WSCD1: variants seen among roughly 807,000 people sequenced by gnomAD.
WSCD1 encodes sialate:O-sulfotransferase 1.
A neutral mutation model predicts 60.4 loss-of-function variants in WSCD1; 41 were observed. The observed-to-expected ratio is 0.68, with a 90% CI of 0.53 to 0.88. WSCD1 has a LOEUF of 0.88. Ranked by LOEUF, WSCD1 falls within the 40% of genes least tolerant of loss-of-function variation. The probability of loss-of-function intolerance (pLI) is 0.00; values close to 1 mark genes in which losing one functional copy is unlikely to be tolerated. For missense variants in WSCD1, 784 were observed against 796.2 expected (o/e 0.98, Z 0.18); for synonymous variants, 361 against 332.5 (o/e 1.09, Z -0.93).
At chr17:6,094,071 C>T (rs1220907488) in intron 4 of WSCD1, among the ~76,000 whole-genome samples, 1 of 152,136 alleles carries the variant, frequency 6.6e-6, no homozygotes, top group Non-Finnish European at 1.5e-5. Context: ...AGATACTGAG[C>T]CCTGGGAGAC....
chr17:6,120,235 G>C, intron 8 of WSCD1, 74 bp from the exon 9 acceptor site: 1 of 1,515,828 alleles, frequency 6.6e-7, no homozygotes, highest in Non-Finnish European at 9.0e-7. Flanking sequence ...TCCCTCTCCC[G>C]AGCAGCCCCC....
intron 5 of WSCD1, among the ~76,000 whole-genome samples, chr17:6,108,600 A>G (rs2150564214): frequency 6.6e-6 from 1 of 152,356 alleles, no homozygotes; most frequent in East Asian, 1.9e-4. Context: ...GAAGCATGCC[A>G]GGCCCGGTGC....
chr17:6,094,287 G>A (rs1910246529), intron 4 of WSCD1, among the ~76,000 whole-genome samples: 1 of 152,154 alleles, frequency 6.6e-6, no homozygotes, highest in South Asian at 2.1e-4. Flanking sequence ...TGTAACATGG[G>A]CTTGAGGAGT....
At chr17:6,091,439 C>G in intron 4 of WSCD1, among the ~76,000 whole-genome samples, 1 of 152,098 alleles carries the variant, frequency 6.6e-6, no homozygotes. Context: ...GGCTGCATGG[C>G]CACTCTGTTT....
At chr17:6,073,801 G>A (rs985453512) in intron 1 of WSCD1, among the ~76,000 whole-genome samples, 2 of 152,244 alleles carry the variant, frequency 1.3e-5, no homozygotes, top group African/African-American at 4.8e-5. Context: ...CATGGTGCTT[G>A]GAAGGATCTC....
intron 4 of WSCD1, among the ~76,000 whole-genome samples, chr17:6,092,154 C>CAA (rs71372642): frequency 2.9e-3 from 188 of 65,498 alleles, no homozygotes; most frequent in African/African-American, 2.9e-3. Flanking sequence ...ACTCTGTCTC[C>CAA]AAAAAAAAAA....
intron 3 of WSCD1, 150 bp downstream of exon 3, chr17:6,088,254 T>C: frequency 2.8e-6 from 2 of 706,922 alleles, no homozygotes; most frequent in Non-Finnish European, 4.6e-6. Context: ...GAAAGGAAGT[T>C]TGTTGGCAGA....
intron 2 of WSCD1, among the ~76,000 whole-genome samples, chr17:6,087,068 T>C (rs528903404): frequency 5.6e-4 from 86 of 152,316 alleles, no homozygotes; most frequent in Middle Eastern, 6.8e-3. Context: ...GCGCAGCTAT[T>C]GTGGGTGTGC....
In WSCD1 at chr17:6,121,042, C is replaced by G. The variant is rs1209094295; in HGVS notation, c.*381C>G. On this transcript the variant is annotated 3_prime_UTR_variant, in exon 9 of 9. Coordinates refer to ENST00000317744, the MANE Select transcript of WSCD1 (RefSeq NM_015253.2). ...GCTCCTGGAGGCTGGCTGGCTGTCT[C>G]TCTCACACAGATACACGTGCGCTCC... The G allele has an allele frequency of 4.0e-6, 1 of 250,048 alleles. No individual in the cohort carries two copies. The highest frequency in any genetic ancestry group is 2.2e-5 in the African/African-American group (1 of 44,818). The allele number at this position is 250,048 out of a possible 1,614,324, so 15.5% of individuals were successfully genotyped here. A position where few individuals can be genotyped will look rare whatever the true frequency, so the allele number is the denominator to read the frequency against.
rs1904451018 is a variant in WSCD1, at chr17:6,118,616, C to T, written c.1375+428C>T. Among the ~76,000 whole-genome samples, 1 of 152,214 alleles carries T rather than the reference C, an allele frequency of 6.6e-6. No homozygotes were observed. The highest frequency in any genetic ancestry group is 1.5e-5 in the Non-Finnish European group (1 of 68,040). ...CAGGTTCCTCTTTTATAGAATGAGA[C>T]CTGCACCTTGTGGGGCATTCAGGGA... On this transcript the variant is annotated intron_variant, in intron 8 of 8. Coordinates refer to ENST00000317744, the MANE Select transcript of WSCD1 (RefSeq NM_015253.2). The surrounding 1 kb of genome is among the most constrained non-coding windows in gnomAD (Gnocchi z 5.8).
chr17:6,117,046 A>G (rs1295334997), intron 7 of WSCD1, among the ~76,000 whole-genome samples: 1 of 152,216 alleles, frequency 6.6e-6, no homozygotes, highest in Non-Finnish European at 1.5e-5. Context: ...CTACTAGAAC[A>G]TAAGCTTAAA....
chr17:6,076,672 C>T (rs530298444), intron 1 of WSCD1, among the ~76,000 whole-genome samples: 3 of 152,326 alleles, frequency 2.0e-5, no homozygotes, highest in African/African-American at 4.8e-5. Flanking sequence ...ATGCTTTGCT[C>T]GAGGTAGGTT....
chr17:6,102,087 C>T (rs1910841736), intron 5 of WSCD1, among the ~76,000 whole-genome samples: 1 of 152,194 alleles, frequency 6.6e-6, no homozygotes, highest in Non-Finnish European at 1.5e-5. Context: ...CCTCTTTTAG[C>T]CTCTTTTGGG....
At chr17:6,115,304 TA>T (rs1240817969) in intron 7 of WSCD1, among the ~76,000 whole-genome samples, 1 of 152,222 alleles carries the variant, frequency 6.6e-6, no homozygotes, top group Non-Finnish European at 1.5e-5. Context: ...CCTCAATAAT[TA>T]GGGGTGAAAC....
intron 3 of WSCD1, among the ~76,000 whole-genome samples, chr17:6,088,846 G>A (rs28664605): frequency 3.3e-5 from 5 of 150,582 alleles, no homozygotes; most frequent in Non-Finnish European, 7.4e-5. Context: ...GCAGTGGCGC[G>A]ATCTCCACTC....
Position 6,120,868 on chromosome 17 carries a change from C to T in WSCD1, c.*207C>T, listed in dbSNP as rs8066825. The T allele has an allele frequency of 0.077, 46,120 of 596,054 alleles. 2,059 individuals carry two copies. Among genetic ancestry groups the T allele is most frequent in the Admixed American group, 0.099 (3,204 of 32,482 alleles). 36.9% of individuals were successfully genotyped at this position (596,054 alleles called of 1,614,324 possible). Reference sequence around the variant, plus strand: ...ACAAATGGACACACATACCTGGCCACGAACCCACACCTCCTCAGACACTCA... The same window carrying T: ...ACAAATGGACACACATACCTGGCCATGAACCCACACCTCCTCAGACACTCA... On this transcript the variant is annotated 3_prime_UTR_variant, in exon 9 of 9. Transcript: ENST00000317744.
At chr17:6,083,077 G>A (rs1009120652) in intron 2 of WSCD1, among the ~76,000 whole-genome samples, 19 of 152,178 alleles carry the variant, frequency 1.2e-4, no homozygotes, top group African/African-American at 4.6e-4. Flanking sequence ...TTTGACACAG[G>A]CATGATTTCT....
chr17:6,087,283 C>T (rs940733870), intron 2 of WSCD1, among the ~76,000 whole-genome samples: 7 of 152,098 alleles, frequency 4.6e-5, no homozygotes, highest in South Asian at 4.1e-4. Flanking sequence ...GGCGCGTGCA[C>T]GGCTGGCTTC....
rs561226001 is a variant in WSCD1, at chr17:6,123,960, A to G, written c.*3299A>G. ...GGTAGGTCTTGCTGATTGCATCCACATTCATTCCTCCATTTCCTTTCCCAG... is the reference window on the plus strand; with the variant it reads ...GGTAGGTCTTGCTGATTGCATCCACGTTCATTCCTCCATTTCCTTTCCCAG... On this transcript the variant is annotated 3_prime_UTR_variant, in exon 9 of 9. Transcript: ENST00000317744. 6.6e-6 allele frequency: 1 copy of G among 152,280 alleles called. No individual in the cohort carries two copies. Among genetic ancestry groups the G allele is most frequent in the Non-Finnish European group, 1.5e-5 (1 of 68,040 alleles). The allele number at this position is 152,280 out of a possible 1,614,324, so 9.4% of individuals were successfully genotyped here.
Sources: gnomAD v4.1 joint callset for allele counts (sites outside exome capture counted in the v4.1 genomes callset) on GRCh38, gnomAD v4.1.1 for gene constraint, Gnocchi (gnomAD v3.1) non-coding constraint, MANE v1.5 for transcripts, NCBI Gene and HGNC (gene_info 2026-07-23, HGNC 2026-07-21) for gene names.